The following IRAK1BP1 variants were observed in gnomAD, a reference collection of about 807,000 sequenced individuals.
IRAK1BP1 encodes interleukin-1 receptor-associated kinase 1-binding protein 1.
A neutral mutation model predicts 28.0 loss-of-function variants in IRAK1BP1; 24 were observed. The ratio of observed to expected loss-of-function variants is 0.86; its 90% CI spans 0.62 to 1.20. The LOEUF (loss-of-function observed/expected upper bound fraction) is 1.20, where lower values mean the gene tolerates loss of function less well. IRAK1BP1 is among the 50% of genes most tolerant of loss of function. The pLI is 0.00. For missense variants in IRAK1BP1, 336 were observed against 316.7 expected, an observed-to-expected ratio of 1.06 and a Z score of -0.46; for synonymous variants, 131 against 116.3, an observed-to-expected ratio of 1.13 and a Z score of -0.81.
chr6:78,959,101 G>A, the IRAK1BP1 span, among the ~76,000 whole-genome samples: 1 of 152,046 alleles, frequency 6.6e-6, no homozygotes, highest in Non-Finnish European at 1.5e-5. Context: ...TAGCATGCTA[G>A]TTTACCAAGA....
At chr6:78,892,247 C>T (rs1763569581) in intron 2 of IRAK1BP1, among the ~76,000 whole-genome samples, 1 of 152,070 alleles carries the variant, frequency 6.6e-6, no homozygotes, top group South Asian at 2.1e-4. Flanking sequence ...TCAAAACCAT[C>T]TATAGCTATA....
downstream of IRAK1BP1, among the ~76,000 whole-genome samples, chr6:78,903,808 CCTG>C (rs563341734): frequency 1.2e-3 from 187 of 152,214 alleles, 1 homozygote; most frequent in African/African-American, 4.4e-3. Context: ...TGTCTCCTAT[CCTG>C]CTCCTTTTTT....
At chr6:78,970,497 C>A in the IRAK1BP1 span, among the ~76,000 whole-genome samples, 1 of 152,240 alleles carries the variant, frequency 6.6e-6, no homozygotes, top group South Asian at 2.1e-4. Context: ...AAATACGCAT[C>A]AAATTTACGA....
At chr6:78,967,277 G>C in the IRAK1BP1 span, among the ~76,000 whole-genome samples, 24 of 152,158 alleles carry the variant, frequency 1.6e-4, no homozygotes, top group Admixed American at 1.6e-3. Flanking sequence ...ATGCATACTA[G>C]TGACACTTAA....
exon 5 of IRAK1BP1, chr6:78,945,930 G>A: frequency 4.7e-6 from 5 of 1,074,262 alleles, no homozygotes; most frequent in Non-Finnish European, 7.0e-6. Flanking sequence ...TCAGTATATT[G>A]CATTTGGCAA....
chr6:78,904,518 C>T (rs952325671), downstream of IRAK1BP1, among the ~76,000 whole-genome samples: 2 of 152,100 alleles, frequency 1.3e-5, no homozygotes, highest in Non-Finnish European at 2.9e-5. Flanking sequence ...TGAATTTGTT[C>T]GCACGGGCAT....
chr6:78,940,861 C>T (rs182783944), intron 4 of IRAK1BP1: 1 of 1,613,972 alleles, frequency 6.2e-7, no homozygotes, highest in East Asian at 2.2e-5. Context: ...TTCTAGTTCT[C>T]ATGTGGGGTT....
the IRAK1BP1 span, chr6:78,965,932 A>G: frequency 6.4e-7 from 1 of 1,570,284 alleles, no homozygotes; most frequent in South Asian, 1.1e-5. Flanking sequence ...AAATACAACA[A>G]ATATTTCCTT....
chr6:78,876,395 A>G (rs1771004633), intron 1 of IRAK1BP1, among the ~76,000 whole-genome samples: 1 of 152,088 alleles, frequency 6.6e-6, no homozygotes, highest in Non-Finnish European at 1.5e-5. Context: ...GGACTAATAC[A>G]CCCATATTAC....
intron 2 of IRAK1BP1, among the ~76,000 whole-genome samples, chr6:78,894,821 G>C (rs542276215): frequency 1.2e-4 from 19 of 152,110 alleles, no homozygotes; most frequent in Non-Finnish European, 2.5e-4. Context: ...TCATATAAAA[G>C]TATTTGGCCG....
At chr6:78,939,266 C>G (rs954696381) in intron 4 of IRAK1BP1, 2 of 151,592 alleles carry the variant, frequency 1.3e-5, no homozygotes, top group African/African-American at 2.4e-5. Flanking sequence ...CTTAATTTTA[C>G]TAATGATGCA....
At chr6:78,930,971 AAAT>A (rs67497386) in intron 4 of IRAK1BP1, among the ~76,000 whole-genome samples, 40,028 of 151,930 alleles carry the variant, frequency 0.26, 5,603 homozygotes, top group Non-Finnish European at 0.3. Flanking sequence ...AAATAAAAAA[AAAT>A]TAACCAGAAA....
chr6:78,968,930 A>G, the IRAK1BP1 span, among the ~76,000 whole-genome samples: 1 of 152,180 alleles, frequency 6.6e-6, no homozygotes, highest in Non-Finnish European at 1.5e-5. Flanking sequence ...TGGACCTGCT[A>G]GGTAGCTGCT....
At chr6:78,974,164 A>G in the IRAK1BP1 span, among the ~76,000 whole-genome samples, 1 of 152,276 alleles carries the variant, frequency 6.6e-6, no homozygotes, top group Non-Finnish European at 1.5e-5. Flanking sequence ...AACAGAAATT[A>G]TAACAAACTA....
chr6:78,893,257 TTAAAAC>T (rs1771730419), intron 2 of IRAK1BP1, among the ~76,000 whole-genome samples: 1 of 146,874 alleles, frequency 6.8e-6, no homozygotes, highest in Admixed American at 6.9e-5. Flanking sequence ...TGCCACATCT[TTAAAAC>T]TAAAAGGTGT....
chr6:78,936,723 T>C lies in IRAK1BP1; in HGVS notation c.*68-8685T>C, dbSNP rs113293227. The C allele has an allele frequency of 3.2e-4, 48 of 152,048 alleles. 1 individual carries two copies. The highest frequency in any genetic ancestry group is 1.1e-3 in the African/African-American group (47 of 41,578). 9.4% of individuals were successfully genotyped at this position (152,048 alleles called of 1,614,324 possible). A position where few individuals can be genotyped will look rare whatever the true frequency, so the allele number is the denominator to read the frequency against. On this transcript the variant is annotated intron_variant and NMD_transcript_variant, in intron 4 of 4. Transcript: ENST00000606868. ...CTGCAGTGTGTACAAGGTTTATCTCTGGAGCGCCAAAAGTGGTACTTACAG... is the reference window on the plus strand; with the variant it reads ...CTGCAGTGTGTACAAGGTTTATCTCCGGAGCGCCAAAAGTGGTACTTACAG...
intron 4 of IRAK1BP1, chr6:78,940,088 A>C (rs1340493467): frequency 6.6e-6 from 1 of 152,454 alleles, no homozygotes; most frequent in African/African-American, 2.4e-5. Context: ...TTTGGCAGAA[A>C]TGGAATAAAG....
the IRAK1BP1 span, among the ~76,000 whole-genome samples, chr6:78,971,668 C>T: frequency 3.9e-5 from 6 of 152,190 alleles, no homozygotes; most frequent in South Asian, 4.2e-4. Context: ...TCAGTGGGTG[C>T]GCGCACCGTG....
chr6:78,930,883 A>C (rs1326467882), intron 4 of IRAK1BP1, among the ~76,000 whole-genome samples: 1 of 152,152 alleles, frequency 6.6e-6, no homozygotes, highest in Non-Finnish European at 1.5e-5. Flanking sequence ...GTGAGCCGAG[A>C]TCGCACCACT....
Sources: allele counts gnomAD v4.1 joint callset (sites outside exome capture counted in the v4.1 genomes callset), GRCh38; gene constraint gnomAD v4.1.1; transcripts MANE v1.5; gene names NCBI Gene and HGNC (gene_info 2026-07-23, HGNC 2026-07-21).